The following FAF1 variants were observed in gnomAD, a reference collection of about 807,000 sequenced individuals.
The protein encoded by FAF1 is FAS-associated factor 1.
Under a neutral mutation model 92.5 loss-of-function variants are expected in FAF1, and 25 were observed. The ratio of observed to expected loss-of-function variants is 0.27; its 90% CI spans 0.20 to 0.38. The LOEUF (loss-of-function observed/expected upper bound fraction) is 0.38. Ranked by LOEUF, FAF1 falls within the 10% of genes least tolerant of loss-of-function variation. The pLI is 1.00. For missense variants in FAF1, 636 were observed against 793.3 expected (o/e 0.80, Z 2.38); for synonymous variants, 234 against 273.2 (o/e 0.86, Z 1.42).
intron 1 of FAF1, among the ~76,000 whole-genome samples, chr1:50,943,972 C>T (rs987300622): frequency 6.6e-6 from 1 of 152,242 alleles, no homozygotes; most frequent in African/African-American, 2.4e-5. Flanking sequence ...AAGGTTCCCA[C>T]TCAGTTCAGT....
intron 1 of FAF1, among the ~76,000 whole-genome samples, chr1:50,912,775 A>G (rs1412881384): frequency 6.6e-5 from 10 of 152,228 alleles, no homozygotes; most frequent in Non-Finnish European, 1.0e-4. Context: ...GCGGTTTAGT[A>G]TTTGAAAATA....
At chr1:50,468,441 C>A (rs181323325) in intron 18 of FAF1, among the ~76,000 whole-genome samples, 1 of 148,616 alleles carries the variant, frequency 6.7e-6, no homozygotes, top group Non-Finnish European at 1.5e-5. Context: ...TACAGGTGCA[C>A]GCCACTACAC....
chr1:50,684,951 T>G (rs1201876029), intron 7 of FAF1, among the ~76,000 whole-genome samples: 1 of 152,184 alleles, frequency 6.6e-6, no homozygotes, highest in Admixed American at 6.5e-5. Context: ...CAAATGAATG[T>G]TGTATGAGGC....
intron 16 of FAF1, 77 bp downstream of exon 16, chr1:50,491,644 G>T: frequency 1.0e-6 from 1 of 1,003,700 alleles, no homozygotes; most frequent in Non-Finnish European, 1.5e-6. Context: ...TATTTTTAGG[G>T]ATCAAAGTGA....
intron 2 of FAF1, among the ~76,000 whole-genome samples, chr1:50,819,245 T>A (rs181682573): frequency 6.6e-6 from 1 of 151,924 alleles, no homozygotes; most frequent in Admixed American, 6.6e-5. Flanking sequence ...GAAATCTTGA[T>A]TGAGGGAGGG....
intron 8 of FAF1, among the ~76,000 whole-genome samples, chr1:50,619,576 T>C (rs1278019127): frequency 6.6e-6 from 1 of 152,208 alleles, no homozygotes; most frequent in Non-Finnish European, 1.5e-5. Context: ...TTTTAGCTTG[T>C]AGGGTTTGTG....
intron 6 of FAF1, among the ~76,000 whole-genome samples, chr1:50,711,812 G>C (rs1045051587): frequency 6.6e-6 from 1 of 151,994 alleles, no homozygotes; most frequent in African/African-American, 2.4e-5. Flanking sequence ...TACCACATTC[G>C]TGCTCCTTAT....
At chr1:50,690,036 C>T (rs1481688496) in intron 7 of FAF1, among the ~76,000 whole-genome samples, 1 of 143,860 alleles carries the variant, frequency 7.0e-6, no homozygotes, top group Admixed American at 7.2e-5. Context: ...TGCTCTGTCA[C>T]CCAGGCTGGA....
chr1:50,873,436 T>G (rs975496554), intron 1 of FAF1, among the ~76,000 whole-genome samples: 1 of 152,198 alleles, frequency 6.6e-6, no homozygotes, highest in Admixed American at 6.5e-5. Context: ...AGACATTATT[T>G]GAAATGTACA....
chr1:50,553,383 T>C (rs1446167422), intron 13 of FAF1, among the ~76,000 whole-genome samples: 2 of 151,800 alleles, frequency 1.3e-5, no homozygotes, highest in Admixed American at 6.6e-5. Context: ...ATGACAGGAG[T>C]AGAGATGATA....
intron 4 of FAF1, among the ~76,000 whole-genome samples, chr1:50,758,554 T>C (rs1025850759): frequency 2.6e-5 from 4 of 152,216 alleles, no homozygotes; most frequent in Non-Finnish European, 5.9e-5. Flanking sequence ...AATTTAAAAA[T>C]ACAGAAAAGG....
chr1:50,650,252 C>A (rs1654796669), intron 8 of FAF1, among the ~76,000 whole-genome samples: 2 of 146,866 alleles, frequency 1.4e-5, no homozygotes, highest in Non-Finnish European at 3.0e-5. Context: ...CCATTGCACT[C>A]CAGCCTGTGC....
At chr1:50,614,201 T>C (rs1034178440) in intron 8 of FAF1, among the ~76,000 whole-genome samples, 3 of 152,160 alleles carry the variant, frequency 2.0e-5, no homozygotes, top group African/African-American at 7.2e-5. Flanking sequence ...GGTAAAAGAA[T>C]GATCCATTCC....
chr1:50,644,272 T>C (rs1191218316), intron 8 of FAF1, among the ~76,000 whole-genome samples: 1 of 152,244 alleles, frequency 6.6e-6, no homozygotes, highest in Non-Finnish European at 1.5e-5. Flanking sequence ...CTTCTGAAGA[T>C]AGCTACTGAA....
chr1:50,790,698 A>C (rs895724989), intron 3 of FAF1, among the ~76,000 whole-genome samples: 1 of 152,016 alleles, frequency 6.6e-6, no homozygotes, highest in Non-Finnish European at 1.5e-5. Context: ...GACCACTAGA[A>C]CTCAAGACCA....
At chr1:50,859,017 C>A (rs1004645463) in intron 1 of FAF1, among the ~76,000 whole-genome samples, 3 of 151,778 alleles carry the variant, frequency 2.0e-5, no homozygotes, top group Non-Finnish European at 4.4e-5. Flanking sequence ...GAATTAAAAG[C>A]AAAAACCACA....
chr1:50,733,524 T>A (rs1483169842), intron 6 of FAF1, among the ~76,000 whole-genome samples: 1 of 152,126 alleles, frequency 6.6e-6, no homozygotes, highest in African/African-American at 2.4e-5. Flanking sequence ...CAGGATACAA[T>A]TCAGGTTAAA....
chr1:50,746,247 CATATATATATATATATATATATATAT>C (rs762650119), intron 4 of FAF1, among the ~76,000 whole-genome samples: 1,301 of 39,910 alleles, frequency 0.033, 53 homozygotes, highest in African/African-American at 0.067. Flanking sequence ...CTGAAACGAA[CATATATATATATATATATATATATAT>C]ATATATATAT....
chr1:50,456,875 C>T (rs1168995205), intron 18 of FAF1, among the ~76,000 whole-genome samples: 3 of 152,164 alleles, frequency 2.0e-5, no homozygotes. Context: ...ATTAGTTCCA[C>T]ATTTTTCTTT....
Sources: gnomAD v4.1 joint callset for allele counts (sites outside exome capture counted in the v4.1 genomes callset) on GRCh38, gnomAD v4.1.1 for gene constraint, MANE v1.5 for transcripts, NCBI Gene and HGNC (gene_info 2026-07-23, HGNC 2026-07-21) for gene names.